RXFP1: variants seen among roughly 807,000 people sequenced by gnomAD.
RXFP1 encodes the protein relaxin receptor 1.
Under a neutral mutation model 89.8 loss-of-function variants are expected in RXFP1, and 73 were observed. The ratio of observed to expected loss-of-function variants is 0.81; its 90% CI spans 0.67 to 0.99. The LOEUF (loss-of-function observed/expected upper bound fraction) is 0.99, where lower values mean the gene tolerates loss of function less well. Among genes scored for constraint, RXFP1 ranks in the 50% least tolerant of loss-of-function variants. The pLI, the probability that RXFP1 is intolerant of heterozygous loss-of-function variation, is 0.00. For synonymous variants in RXFP1, 277 were observed against 305.5 expected, an observed-to-expected ratio of 0.91 and a Z score of 0.97; for missense variants, 793 against 895.5, an observed-to-expected ratio of 0.89 and a Z score of 1.46.
At chr4:158,626,677 A>G in intron 9 of RXFP1, 143 bp from the exon 10 acceptor site, 1 of 457,576 alleles carries the variant, frequency 2.2e-6, no homozygotes, top group Non-Finnish European at 3.8e-6. Context: ...TTCAGCTGTA[A>G]TAGAAATGGC....
chr4:158,597,190 A>G (rs946907606), intron 3 of RXFP1, among the ~76,000 whole-genome samples: 1 of 152,202 alleles, frequency 6.6e-6, no homozygotes, highest in Non-Finnish European at 1.5e-5. Flanking sequence ...GCAGATTATT[A>G]TAGGGATTTA....
Position 158,639,341 on chromosome 4 carries a change from T to A in RXFP1, c.1115+10T>A. On this transcript the variant is annotated intron_variant, in intron 14 of 17. Transcript: ENST00000307765. ...TGAATCTCTCTCACATGTAAGTAGA[T>A]ATTTTATTGTTTTTCACTGTGATGT... 7.2e-7 allele frequency: 1 copy of A among 1,393,884 alleles called. No homozygotes were observed. The highest frequency in any genetic ancestry group is 1.2e-5 in the South Asian group (1 of 85,752). The allele number at this position is 1,393,884 out of a possible 1,614,324, so 86.3% of individuals were successfully genotyped here.
chr4:158,569,170 T>C (rs1319317486), intron 1 of RXFP1, among the ~76,000 whole-genome samples: 1 of 152,126 alleles, frequency 6.6e-6, no homozygotes, highest in Non-Finnish European at 1.5e-5. Flanking sequence ...TTTCAGTAAG[T>C]GAGTGGATAA....
chr4:158,575,889 T>C (rs1182684846), intron 2 of RXFP1, among the ~76,000 whole-genome samples: 1 of 152,210 alleles, frequency 6.6e-6, no homozygotes, highest in East Asian at 1.9e-4. Context: ...AACCATTTAT[T>C]TAGCTTATGA....
chr4:158,618,562 GTAA>G (rs1479523649), intron 9 of RXFP1, among the ~76,000 whole-genome samples: 3 of 151,942 alleles, frequency 2.0e-5, no homozygotes, highest in East Asian at 1.9e-4. Context: ...TTTAATTCTA[GTAA>G]TAATAATACT....
At position 158,626,735 on chromosome 4, in the gene RXFP1, T is replaced by C. The variant is rs1011211788; in HGVS notation, c.756-85T>C. The C allele has an allele frequency of 1.5e-5, 12 of 808,540 alleles. No homozygotes were observed. In the African/African-American group the frequency reaches 1.8e-4, roughly 12 times the overall value. 50.1% of individuals were successfully genotyped at this position (808,540 alleles called of 1,614,324 possible). On this transcript the variant is annotated intron_variant, in intron 9 of 17. Transcript: ENST00000307765. ...ATAAACAGTATGTAAAGAAAAGATA[T>C]TTTATTAGAAGGCAAATAATTTTAA...
At chr4:158,572,663 C>G in intron 1 of RXFP1, 35 bp from the exon 2 acceptor site, 1 of 1,601,996 alleles carries the variant, frequency 6.2e-7, no homozygotes, top group Non-Finnish European at 8.6e-7. Context: ...GTATTAACCA[C>G]CTTCAAACTT....
intron 14 of RXFP1, among the ~76,000 whole-genome samples, chr4:158,640,042 G>A (rs1000769463): frequency 2.6e-4 from 39 of 152,152 alleles, no homozygotes; most frequent in Non-Finnish European, 4.9e-4. Context: ...AACATTTGTC[G>A]TCTAAGTCAC....
intron 2 of RXFP1, among the ~76,000 whole-genome samples, chr4:158,576,275 T>C (rs1756178418): frequency 6.6e-6 from 1 of 152,072 alleles, no homozygotes; most frequent in African/African-American, 2.4e-5. Context: ...GAAATACACA[T>C]TTTGGCCAGG....
intron 1 of RXFP1, among the ~76,000 whole-genome samples, chr4:158,565,587 C>T (rs1025477752): frequency 1.3e-5 from 2 of 152,114 alleles, no homozygotes; most frequent in African/African-American, 4.8e-5. Context: ...AGGAAGAGTG[C>T]TCAAAAAATG....
intron 1 of RXFP1, among the ~76,000 whole-genome samples, chr4:158,567,926 C>G (rs1021056859): frequency 6.6e-6 from 1 of 152,196 alleles, no homozygotes; most frequent in African/African-American, 2.4e-5. Context: ...TGTTCTTTTG[C>G]TCGTTGCAAT....
At chr4:158,650,771 G>GA (rs570248612) in intron 17 of RXFP1, among the ~76,000 whole-genome samples, 9 of 148,164 alleles carry the variant, frequency 6.1e-5, no homozygotes, top group South Asian at 2.1e-4. Flanking sequence ...TCTATCTCAG[G>GA]AAAAAAAAAC....
intron 17 of RXFP1, among the ~76,000 whole-genome samples, chr4:158,650,160 C>T (rs1377054199): frequency 2.0e-5 from 3 of 152,076 alleles, no homozygotes; most frequent in African/African-American, 7.2e-5. Context: ...TATTTTATTT[C>T]ACTTACATGA....
At chr4:158,547,919 A>T (rs1464881679) in intron 1 of RXFP1, among the ~76,000 whole-genome samples, 1 of 152,058 alleles carries the variant, frequency 6.6e-6, no homozygotes, top group Admixed American at 6.5e-5. Flanking sequence ...AAAAAAATGT[A>T]TATTCTGTTG....
At chr4:158,564,755 TG>T (rs1753200221) in intron 1 of RXFP1, among the ~76,000 whole-genome samples, 1 of 152,242 alleles carries the variant, frequency 6.6e-6, no homozygotes, top group South Asian at 2.1e-4. Flanking sequence ...TGTAACTCTT[TG>T]GGCATACTTT....
intron 1 of RXFP1, among the ~76,000 whole-genome samples, chr4:158,542,681 A>G (rs1304636422): frequency 2.6e-5 from 4 of 152,180 alleles, no homozygotes; most frequent in Non-Finnish European, 5.9e-5. Context: ...TCATTTCGAA[A>G]GCCATAACCC....
At position 158,652,193 on chromosome 4, in the gene RXFP1, T is replaced by G; in HGVS notation, c.*138T>G. The G allele has an allele frequency of 1.6e-6, 1 of 641,282 alleles. No homozygotes were observed. 39.7% of individuals were successfully genotyped at this position (641,282 alleles called of 1,614,324 possible). On this transcript the variant is annotated 3_prime_UTR_variant, in exon 18 of 18. Coordinates refer to ENST00000307765, the MANE Select transcript of RXFP1 (RefSeq NM_021634.4). ...TATTTTACAAGGACATGAGGAAAAATAAAAATGACTAATGCTCTTACAAAG... is the reference window on the plus strand; with the variant it reads ...TATTTTACAAGGACATGAGGAAAAAGAAAAATGACTAATGCTCTTACAAAG...
chr4:158,544,195 C>T (rs1282167809), intron 1 of RXFP1: 1 of 985,242 alleles, frequency 1.0e-6, no homozygotes, highest in Non-Finnish European at 1.2e-6. Context: ...AACCGCAAGT[C>T]TGAGTTTATA....
At chr4:158,605,790 TTAGA>T (rs1762454094) in intron 5 of RXFP1, among the ~76,000 whole-genome samples, 1 of 152,232 alleles carries the variant, frequency 6.6e-6, no homozygotes, top group African/African-American at 2.4e-5. Flanking sequence ...ATTGCTGGGT[TTAGA>T]TAGTCTGTAC....
Sources: allele counts gnomAD v4.1 joint callset (sites outside exome capture counted in the v4.1 genomes callset), GRCh38; gene constraint gnomAD v4.1.1; transcripts MANE v1.5; gene names NCBI Gene and HGNC (gene_info 2026-07-23, HGNC 2026-07-21).